FAM185A: variants seen among roughly 807,000 people sequenced by gnomAD.
FAM185A encodes the protein family with sequence similarity 185 member A.
A neutral mutation model predicts 45.7 loss-of-function variants in FAM185A; 21 were observed. The observed-to-expected ratio is 0.46, with a 90% CI of 0.33 to 0.66. FAM185A has a LOEUF of 0.66. Ranked by LOEUF, FAM185A falls within the 30% of genes least tolerant of loss-of-function variation. FAM185A has a pLI of 0.03. For synonymous variants in FAM185A, 117 were observed against 194.0 expected, an observed-to-expected ratio of 0.60 and a Z score of 3.30; for missense variants, 305 against 485.4, an observed-to-expected ratio of 0.63 and a Z score of 3.49.
chr7:102,785,612 A>G (rs1373983850), intron 6 of FAM185A, among the ~76,000 whole-genome samples: 5 of 151,166 alleles, frequency 3.3e-5, no homozygotes, highest in African/African-American at 4.8e-5. Context: ...GGTGCTGGGA[A>G]AACTGGCTAG....
At chr7:102,789,483 C>T (rs1796020908) in intron 7 of FAM185A, among the ~76,000 whole-genome samples, 2 of 152,140 alleles carry the variant, frequency 1.3e-5, no homozygotes, top group South Asian at 4.1e-4. Context: ...CCAAGGCGGG[C>T]AGATCGTTTG....
At chr7:102,822,810 T>A in the FAM185A span, among the ~76,000 whole-genome samples, 1 of 152,190 alleles carries the variant, frequency 6.6e-6, no homozygotes, top group Non-Finnish European at 1.5e-5. Flanking sequence ...CAGTGGCTCA[T>A]GCCTATGATC....
At chr7:102,819,147 G>T in the FAM185A span, among the ~76,000 whole-genome samples, 1 of 152,060 alleles carries the variant, frequency 6.6e-6, no homozygotes, top group African/African-American at 2.4e-5. Flanking sequence ...GGTTGTGGGG[G>T]CCATTGTGAG....
the FAM185A span, among the ~76,000 whole-genome samples, chr7:102,834,150 C>CAAAAG: frequency 1.7e-5 from 2 of 119,624 alleles, no homozygotes; most frequent in Non-Finnish European, 3.4e-5. Context: ...AAAGAGAAGA[C>CAAAAG]AAGAGAAAAG....
At chr7:102,755,542 T>C in intron 2 of FAM185A, 1 of 620,990 alleles carries the variant, frequency 1.6e-6, no homozygotes. Flanking sequence ...AGACCACCTG[T>C]CTTTCGAGCA....
At chr7:102,781,063 G>A (rs374987178) in intron 6 of FAM185A, among the ~76,000 whole-genome samples, 1 of 151,982 alleles carries the variant, frequency 6.6e-6, no homozygotes, top group South Asian at 2.1e-4. Flanking sequence ...CTCGCTCATT[G>A]CTAGCACAGC....
the FAM185A span, among the ~76,000 whole-genome samples, chr7:102,834,089 A>AGGAAGGAAGG: frequency 2.9e-5 from 2 of 68,552 alleles, no homozygotes; most frequent in African/African-American, 1.2e-4. Context: ...AGGAAAGAAA[A>AGGAAGGAAGG]GAAAGAAAGA....
intron 1 of FAM185A, among the ~76,000 whole-genome samples, chr7:102,750,198 A>G (rs954024257): frequency 1.3e-5 from 2 of 152,188 alleles, no homozygotes; most frequent in African/African-American, 4.8e-5. Context: ...AGAAAAACAC[A>G]TGGTAAGCCT....
At chr7:102,829,723 G>A in the FAM185A span, among the ~76,000 whole-genome samples, 1 of 152,280 alleles carries the variant, frequency 6.6e-6, no homozygotes, top group Non-Finnish European at 1.5e-5. Context: ...TGAGGTGGTT[G>A]CAAGGAAAAG....
chr7:102,836,615 C>T, the FAM185A span, among the ~76,000 whole-genome samples: 1 of 152,200 alleles, frequency 6.6e-6, no homozygotes, highest in Non-Finnish European at 1.5e-5. Context: ...TGGCTCCTTT[C>T]CCATGTATCA....
intron 5 of FAM185A, among the ~76,000 whole-genome samples, chr7:102,774,855 C>T (rs1242680024): frequency 3.3e-5 from 5 of 152,206 alleles, no homozygotes; most frequent in Non-Finnish European, 7.3e-5. Context: ...CCTGCCTCAG[C>T]CTCCTAAAGT....
chr7:102,824,332 C>T, the FAM185A span, among the ~76,000 whole-genome samples: 1 of 152,080 alleles, frequency 6.6e-6, no homozygotes, highest in South Asian at 2.1e-4. Flanking sequence ...AATATAAGCA[C>T]ATTGCCAAAA....
chr7:102,832,782 C>A, the FAM185A span: 1 of 1,604,726 alleles, frequency 6.2e-7, no homozygotes, highest in Non-Finnish European at 8.5e-7. Flanking sequence ...CGCTGTCCTG[C>A]CTTGTCCCTT....
At chr7:102,788,089 T>C (rs1795926793) in intron 7 of FAM185A, among the ~76,000 whole-genome samples, 1 of 152,076 alleles carries the variant, frequency 6.6e-6, no homozygotes. Flanking sequence ...CTCACCCTCC[T>C]GAGTAGCTGG....
chr7:102,776,096 C>CTATACACACACACACACACACA lies in FAM185A; in HGVS notation c.836-1137_836-1136insCATATACACACACACACACACA, dbSNP rs1562858766. On this transcript the variant is annotated intron_variant, in intron 5 of 7. Coordinates refer to ENST00000413034, the MANE Select transcript of FAM185A (RefSeq NM_001145268.2). ...TTTTTTAAAAGAAAAATGTTGGCTC[C>CTATACACACACACACACACACA]TATACACACACACACACACAAATGT... is the stretch of plus-strand genomic sequence containing the variant. Among the ~76,000 whole-genome samples, 9 of 97,166 alleles carry CTATACACACACACACACACACA rather than the reference C, an allele frequency of 9.3e-5. 1 individual carries two copies. Among genetic ancestry groups the CTATACACACACACACACACACA allele is most frequent in the East Asian group, 3.9e-4 (1 of 2,560 alleles). 63.7% of individuals were successfully genotyped at this position (97,166 alleles called of 152,430 possible).
the FAM185A span, among the ~76,000 whole-genome samples, chr7:102,823,147 T>A: frequency 6.6e-6 from 1 of 152,086 alleles, no homozygotes; most frequent in South Asian, 2.1e-4. Flanking sequence ...GATGGAAAAC[T>A]TCATCAAAAT....
the FAM185A span, among the ~76,000 whole-genome samples, chr7:102,848,555 C>CAA: frequency 2.7e-3 from 5 of 1,828 alleles, 2 homozygotes; most frequent in Non-Finnish European, 4.5e-3. Flanking sequence ...GACTCCGTCT[C>CAA]AAAAAAAAAA....
the FAM185A span, among the ~76,000 whole-genome samples, chr7:102,821,043 C>A: frequency 1.4e-4 from 21 of 152,254 alleles, no homozygotes; most frequent in Middle Eastern, 3.4e-3. Context: ...AAAATATAAT[C>A]AAAAAATTAG....
rs541635283 is a variant in FAM185A, at chr7:102,784,202, A to G, written c.932-3133A>G. Among the ~76,000 whole-genome samples, 1,043 of 151,874 alleles carry G rather than the reference A, an allele frequency of 6.9e-3. 5 individuals carry two copies. The highest frequency in any genetic ancestry group is 8.8e-3 in the Non-Finnish European group (596 of 67,932). ...TTGAGGCAATAATTAATAGCTTACC[A>G]ACCAAAAAAAGTCCAGGACCAGATG... is the stretch of plus-strand genomic sequence containing the variant. On this transcript the variant is annotated intron_variant, in intron 6 of 7. Coordinates refer to ENST00000413034, the MANE Select transcript of FAM185A (RefSeq NM_001145268.2).
Sources: allele counts gnomAD v4.1 joint callset (sites outside exome capture counted in the v4.1 genomes callset), GRCh38; gene constraint gnomAD v4.1.1; transcripts MANE v1.5; gene names NCBI Gene and HGNC (gene_info 2026-07-23, HGNC 2026-07-21).